The following ZPLD1 variants were observed in gnomAD, a reference collection of about 807,000 sequenced individuals.
ZPLD1 encodes zona pellucida-like domain-containing protein 1.
In ZPLD1, 34 loss-of-function variants were observed where a neutral mutation model predicts 47.2. That is an observed-to-expected ratio of 0.72 (90% CI 0.55 to 0.96). The LOEUF (loss-of-function observed/expected upper bound fraction) is 0.96. ZPLD1 is among the 40% of genes least tolerant of loss of function. ZPLD1 has a pLI of 0.00. For missense variants in ZPLD1, 512 were observed against 505.8 expected (o/e 1.01, Z -0.12); for synonymous variants, 176 against 186.2 (o/e 0.95, Z 0.45).
intron 5 of ZPLD1, 58 bp from the exon 6 acceptor site, chr3:102,457,723 G>C (rs754354819): frequency 4.9e-5 from 73 of 1,478,226 alleles, no homozygotes; most frequent in African/African-American, 6.9e-5. Context: ...CTAACATCTA[G>C]GTATCACTTT....
intron 2 of ZPLD1, 119 bp from the exon 3 acceptor site, chr3:102,438,361 G>A: frequency 1.6e-6 from 1 of 640,488 alleles, no homozygotes; most frequent in East Asian, 2.7e-5. Flanking sequence ...CGTGAGCTTT[G>A]GCTGCATGGA....
intron 7 of ZPLD1, among the ~76,000 whole-genome samples, chr3:102,412,660 A>C (rs1204314357): frequency 6.6e-6 from 1 of 151,740 alleles, no homozygotes; most frequent in Non-Finnish European, 1.5e-5. Flanking sequence ...AGAAAGATAG[A>C]GTTTACTTCA....
intron 3 of ZPLD1, among the ~76,000 whole-genome samples, chr3:102,451,221 T>C (rs143217726): frequency 1.8e-3 from 272 of 152,346 alleles, no homozygotes; most frequent in Non-Finnish European, 2.8e-3. Context: ...TCTAAAGAGA[T>C]AATGCTATTG....
At chr3:102,394,116 A>G (rs182294872) in intron 7 of ZPLD1, among the ~76,000 whole-genome samples, 114 of 152,284 alleles carry the variant, frequency 7.5e-4, no homozygotes, top group Middle Eastern at 6.8e-3. Flanking sequence ...GTTTTCCATT[A>G]CAGTTTTTAT....
intron 7 of ZPLD1, among the ~76,000 whole-genome samples, chr3:102,407,395 A>ATATATATG (rs1706700952): frequency 4.3e-5 from 1 of 23,406 alleles, no homozygotes; most frequent in African/African-American, 3.3e-4. Flanking sequence ...ATTTTCAAAT[A>ATATATATG]TATATATATA....
At chr3:102,467,139 G>T (rs769630745) in intron 8 of ZPLD1, among the ~76,000 whole-genome samples, 1 of 151,958 alleles carries the variant, frequency 6.6e-6, no homozygotes, top group Admixed American at 6.6e-5. Context: ...AACGACATAC[G>T]CAATAAGCTA....
chr3:102,454,603 C>T (rs550894048), intron 4 of ZPLD1, among the ~76,000 whole-genome samples: 4 of 152,324 alleles, frequency 2.6e-5, no homozygotes, highest in Admixed American at 2.0e-4. Context: ...CTCCTGTAAT[C>T]CCAGCACTTT....
At position 102,422,918 on chromosome 3, in the gene ZPLD1, A is replaced by T. The variant is rs553453877; in HGVS notation, c.-9+4711A>T. 8.5e-5 allele frequency among the ~76,000 whole-genome samples: 13 copies of T among 152,192 alleles called. No homozygotes were observed. The South Asian group carries it at 2.7e-3, about 32-fold the overall frequency. ...AAGCAGGGACATGACATGATCAGGC[A>T]GTCTATTTATAGGATTCATCAACCT... On this transcript the variant is annotated intron_variant, in intron 8 of 17. Coordinates refer to the ZPLD1 transcript ENST00000491959.
chr3:102,434,442 A>T (rs1707056077), upstream of ZPLD1, among the ~76,000 whole-genome samples: 1 of 152,226 alleles, frequency 6.6e-6, no homozygotes, highest in Non-Finnish European at 1.5e-5. Context: ...GACATATTTG[A>T]CAGCAAATCA....
intron 7 of ZPLD1, among the ~76,000 whole-genome samples, chr3:102,401,590 C>T (rs1307966112): frequency 6.6e-6 from 1 of 152,028 alleles, no homozygotes; most frequent in South Asian, 2.1e-4. Flanking sequence ...GTCTAATGTT[C>T]TTTGAAATGA....
chr3:102,466,461 A>G (rs1707595122), intron 8 of ZPLD1, among the ~76,000 whole-genome samples: 1 of 152,230 alleles, frequency 6.6e-6, no homozygotes, highest in Non-Finnish European at 1.5e-5. Context: ...TTAAAGGTGA[A>G]TTAAACTCAC....
At chr3:102,454,077 T>A (rs1188651795) in intron 4 of ZPLD1, among the ~76,000 whole-genome samples, 3 of 152,208 alleles carry the variant, frequency 2.0e-5, no homozygotes, top group African/African-American at 7.2e-5. Context: ...CTTCACAAAT[T>A]ATTATTTTGT....
upstream of ZPLD1, among the ~76,000 whole-genome samples, chr3:102,430,220 C>T (rs1006821426): frequency 3.9e-5 from 6 of 152,216 alleles, no homozygotes; most frequent in Non-Finnish European, 5.9e-5. Flanking sequence ...TGTGGTCATG[C>T]GATGAATGCT....
intron 10 of ZPLD1, among the ~76,000 whole-genome samples, chr3:102,471,088 C>T (rs1393730816): frequency 2.6e-5 from 4 of 152,120 alleles, no homozygotes; most frequent in African/African-American, 9.7e-5. Context: ...CGTGTGTATC[C>T]GCTTGGATAC....
intron 3 of ZPLD1, among the ~76,000 whole-genome samples, chr3:102,450,678 T>A (rs572000898): frequency 9.9e-5 from 15 of 152,144 alleles, no homozygotes; most frequent in African/African-American, 3.6e-4. Context: ...GCTGTACTAA[T>A]TGAAGGACAT....
intron 8 of ZPLD1, among the ~76,000 whole-genome samples, chr3:102,420,157 T>A (rs1374923750): frequency 6.6e-6 from 1 of 151,924 alleles, no homozygotes; most frequent in Admixed American, 6.6e-5. Context: ...ACCTCAATGA[T>A]GAGGCAAAGA....
chr3:102,476,373 G>A (rs540961947), intron 10 of ZPLD1, among the ~76,000 whole-genome samples: 2 of 152,052 alleles, frequency 1.3e-5, no homozygotes, highest in Non-Finnish European at 2.9e-5. Context: ...TATGTTTATC[G>A]CATCTATTAT....
chr3:102,397,393 A>AT (rs74894228), intron 7 of ZPLD1, among the ~76,000 whole-genome samples: 66,783 of 151,792 alleles, frequency 0.44, 15,791 homozygotes, highest in African/African-American at 0.59. Context: ...GGGTAGACTT[A>AT]GTAAAGCCCC....
chr3:102,413,651 C>T (rs929624587), intron 7 of ZPLD1, among the ~76,000 whole-genome samples: 1 of 151,630 alleles, frequency 6.6e-6, no homozygotes, highest in Non-Finnish European at 1.5e-5. Context: ...CTCTTTAACT[C>T]AGGAGAATGC....
Sources: allele counts gnomAD v4.1 joint callset (sites outside exome capture counted in the v4.1 genomes callset), GRCh38; gene constraint gnomAD v4.1.1; transcripts MANE v1.5; gene names NCBI Gene and HGNC (gene_info 2026-07-23, HGNC 2026-07-21).